Variants in ZBTB38 observed in about 807,000 individuals in gnomAD.
ZBTB38 encodes zinc finger and BTB domain-containing protein 38.
Under a neutral mutation model 76.8 loss-of-function variants are expected in ZBTB38, and 20 were observed. The ratio of observed to expected loss-of-function variants is 0.26; its 90% CI spans 0.18 to 0.38. The LOEUF (loss-of-function observed/expected upper bound fraction) is 0.38, where lower values mean the gene tolerates loss of function less well. Among genes scored for constraint, ZBTB38 ranks in the 10% least tolerant of loss-of-function variants. The pLI is 1.00. For synonymous variants in ZBTB38, 504 were observed against 544.2 expected (o/e 0.93, Z 1.03); for missense variants, 1,082 against 1,482.3 (o/e 0.73, Z 4.43).
chr3:141,371,350 C>T (rs555955391), intron 2 of ZBTB38, among the ~76,000 whole-genome samples: 5 of 151,882 alleles, frequency 3.3e-5, no homozygotes, highest in South Asian at 2.1e-4. Context: ...AGCGCCCAGC[C>T]GAGAAACTTT....
intron 5 of ZBTB38, among the ~76,000 whole-genome samples, chr3:141,437,023 A>T (rs534526165): frequency 1.3e-5 from 2 of 152,244 alleles, no homozygotes; most frequent in African/African-American, 4.8e-5. Flanking sequence ...TCATCCAATG[A>T]GCTGGATAAC....
At chr3:141,400,246 T>C (rs1253205889) in intron 4 of ZBTB38, among the ~76,000 whole-genome samples, 1 of 152,210 alleles carries the variant, frequency 6.6e-6, no homozygotes, top group Non-Finnish European at 1.5e-5. Flanking sequence ...ATTTTTAGAC[T>C]GTGTTGTTTA....
intron 4 of ZBTB38, among the ~76,000 whole-genome samples, chr3:141,391,234 A>G (rs1948779920): frequency 6.6e-6 from 1 of 152,202 alleles, no homozygotes; most frequent in Admixed American, 6.5e-5. Context: ...CCACTTTAAA[A>G]TGGTTGATCA....
intron 1 of ZBTB38, among the ~76,000 whole-genome samples, chr3:141,342,770 T>A (rs1943237412): frequency 6.8e-6 from 1 of 146,634 alleles, no homozygotes; most frequent in African/African-American, 2.6e-5. Context: ...TGGGTTTGTG[T>A]ACAGGCAGTG....
At chr3:141,408,316 G>A (rs1955343647) in intron 5 of ZBTB38, among the ~76,000 whole-genome samples, 1 of 152,234 alleles carries the variant, frequency 6.6e-6, no homozygotes, top group Non-Finnish European at 1.5e-5. Context: ...GGAGGCCAAG[G>A]CTGATGGATG....
intron 1 of ZBTB38, among the ~76,000 whole-genome samples, chr3:141,337,071 T>C (rs2148895556): frequency 6.6e-6 from 1 of 152,370 alleles, no homozygotes; most frequent in Non-Finnish European, 1.5e-5. Flanking sequence ...CCACTTCCAG[T>C]TCTAGTCACT....
At chr3:141,371,870 C>T (rs925496124) in intron 2 of ZBTB38, among the ~76,000 whole-genome samples, 2 of 152,138 alleles carry the variant, frequency 1.3e-5, no homozygotes, top group African/African-American at 2.4e-5. Flanking sequence ...TCCCCTCATT[C>T]GTAAATATAA....
chr3:141,388,432 T>C (rs1439536454), intron 4 of ZBTB38: 2 of 152,054 alleles, frequency 1.3e-5, no homozygotes, highest in African/African-American at 2.4e-5. Flanking sequence ...AAGAGGGAAA[T>C]ATTAAATATA....
At position 141,333,098 on chromosome 3, in the gene ZBTB38, G is replaced by A. The variant is rs143335121; in HGVS notation, c.-739+8642G>A. ...AGCTCCACAGTGAGTTCTACAAGGG[G>A]TTGGAGATCTGGCTCCTTTGTAAAA... On this transcript the variant is annotated intron_variant, in intron 1 of 7. Coordinates refer to the ZBTB38 transcript ENST00000509842. Among the ~76,000 whole-genome samples, 334 of 152,348 alleles carry A rather than the reference G, an allele frequency of 2.2e-3. 2 individuals carry two copies. The highest frequency in any genetic ancestry group is 7.7e-3 in the African/African-American group (322 of 41,582).
chr3:141,428,372 C>G (rs1293667240), intron 5 of ZBTB38, among the ~76,000 whole-genome samples: 1 of 152,208 alleles, frequency 6.6e-6, no homozygotes, highest in Non-Finnish European at 1.5e-5. Context: ...TCATGTGAGG[C>G]AAGTCACTTC....
chr3:141,396,882 C>T (rs556005609), intron 4 of ZBTB38, among the ~76,000 whole-genome samples: 104 of 152,302 alleles, frequency 6.8e-4, no homozygotes, highest in African/African-American at 2.4e-3. Context: ...GATCTGCTGT[C>T]ATCTAGTCAT....
Position 141,413,329 on chromosome 3 carries a change from G to A in ZBTB38, c.-1+9298G>A, listed in dbSNP as rs1239106105. ...CGGTCAGAATGCTCCCCAGACTGAG[G>A]AATCAGCTGCACATCCCCCTGATGT... On this transcript the variant is annotated intron_variant, in intron 5 of 5. Transcript: ENST00000321464. This position sits in a 1 kb window ranked among gnomAD's most constrained non-coding sequence, Gnocchi z 4.1. Among the ~76,000 whole-genome samples the A allele has an allele frequency of 6.6e-6, 1 of 152,138 alleles. No homozygotes were observed. Among genetic ancestry groups the A allele is most frequent in the Non-Finnish European group, 1.5e-5 (1 of 68,028 alleles).
At chr3:141,372,490 AAAAAATAC>A (rs200684985) in intron 2 of ZBTB38, among the ~76,000 whole-genome samples, 2,471 of 152,032 alleles carry the variant, frequency 0.016, 80 homozygotes, top group African/African-American at 0.057. Context: ...CTCTACTAAA[AAAAAATAC>A]AAAATTAGCC....
chr3:141,443,192 A>T lies in ZBTB38; in HGVS notation c.804A>T (p.Thr268=), dbSNP rs775282248. 6.2e-7 allele frequency: 1 copy of T among 1,614,246 alleles called. No individual in the cohort carries two copies. Among genetic ancestry groups the T allele is most frequent in the Non-Finnish European group, 8.5e-7 (1 of 1,180,040 alleles). The change falls in exon 6 of 6, where the codon ACA becomes ACT. Residue 268 remains threonine, a synonymous_variant. Transcript: ENST00000321464. This position sits in a 1 kb window ranked among gnomAD's most constrained non-coding sequence, Gnocchi z 5.6. Reference sequence around the variant, plus strand: ...CGAAAACATGCCGGAAGCCAAAGACATTCTCCATACCACAGGATTCGGATT... The same window carrying T: ...CGAAAACATGCCGGAAGCCAAAGACTTTCTCCATACCACAGGATTCGGATT... ...AKPKTCRKPK[T]FSIPQDSDSA... is the part of the protein sequence containing the mutation.
intron 5 of ZBTB38, chr3:141,434,149 A>C (rs956631474): frequency 1.3e-4 from 122 of 975,780 alleles, no homozygotes; most frequent in Non-Finnish European, 1.5e-4. Context: ...GATACCGTAC[A>C]TTGTAATGAT....
intron 1 of ZBTB38, among the ~76,000 whole-genome samples, chr3:141,369,568 G>A (rs1445133139): frequency 6.6e-6 from 1 of 152,194 alleles, no homozygotes; most frequent in East Asian, 1.9e-4. Flanking sequence ...AGAACAGCAC[G>A]TAGGCATAGA....
In ZBTB38 at chr3:141,442,469, C is replaced by T; in HGVS notation, c.81C>T (p.Arg27=). Residue 27 remains arginine, a synonymous_variant, in exon 6 of 6, where the codon CGC becomes CGT. Transcript: ENST00000321464. The surrounding 1 kb of genome is among the most constrained non-coding windows in gnomAD (Gnocchi z 6.4). ...DTVLSILNEQ[R]IRGILCDVTI... Reference sequence around the variant, plus strand: ...TACTCTCCATCTTAAATGAGCAGCGCATTCGGGGCATTTTATGCGATGTCA... The same window carrying T: ...TACTCTCCATCTTAAATGAGCAGCGTATTCGGGGCATTTTATGCGATGTCA... 6.2e-7 allele frequency: 1 copy of T among 1,614,200 alleles called. No homozygotes were observed. The highest frequency in any genetic ancestry group is 8.5e-7 in the Non-Finnish European group (1 of 1,180,038).
chr3:141,341,713 A>G (rs1318533870), intron 1 of ZBTB38, among the ~76,000 whole-genome samples: 1 of 152,260 alleles, frequency 6.6e-6, no homozygotes, highest in Non-Finnish European at 1.5e-5. Context: ...ACTGCATAGC[A>G]GAGGCAAATG....
intron 1 of ZBTB38, among the ~76,000 whole-genome samples, chr3:141,328,552 G>A (rs1191528216): frequency 6.6e-6 from 1 of 151,950 alleles, no homozygotes; most frequent in Non-Finnish European, 1.5e-5. Context: ...ATGTTTCCTG[G>A]GTCTAGGCCC....
Sources: allele counts gnomAD v4.1 joint callset (sites outside exome capture counted in the v4.1 genomes callset), GRCh38; gene constraint gnomAD v4.1.1; non-coding constraint Gnocchi (gnomAD v3.1); transcripts MANE v1.5; gene names NCBI Gene and HGNC (gene_info 2026-07-23, HGNC 2026-07-21).